NMNAT2: variants seen among roughly 807,000 people sequenced by gnomAD.
NMNAT2 encodes nicotinamide nucleotide adenylyltransferase 2.
A neutral mutation model predicts 41.6 loss-of-function variants in NMNAT2; 11 were observed. That is an observed-to-expected ratio of 0.26 (90% CI 0.17 to 0.44). The LOEUF is 0.44. Among genes scored for constraint, NMNAT2 ranks in the 20% least tolerant of loss-of-function variants. The probability of loss-of-function intolerance (pLI) is 1.00; values close to 1 mark genes in which losing one functional copy is unlikely to be tolerated. For synonymous variants in NMNAT2, 148 were observed against 151.2 expected (o/e 0.98, Z 0.16); for missense variants, 288 against 407.7 (o/e 0.71, Z 2.53).
chr1:183,369,932 A>G (rs973007426), intron 1 of NMNAT2, among the ~76,000 whole-genome samples: 1 of 152,162 alleles, frequency 6.6e-6, no homozygotes, highest in Admixed American at 6.5e-5. Context: ...TAAATTGCCC[A>G]AGGAAACACC....
chr1:183,415,183 T>G (rs1649220805), intron 1 of NMNAT2, among the ~76,000 whole-genome samples: 1 of 152,186 alleles, frequency 6.6e-6, no homozygotes, highest in African/African-American at 2.4e-5. Flanking sequence ...GGTTTCACCA[T>G]GTTGCCAAGT....
intron 8 of NMNAT2, 29 bp from the exon 9 acceptor site, chr1:183,261,332 T>A: frequency 6.3e-7 from 1 of 1,578,944 alleles, no homozygotes; most frequent in Non-Finnish European, 8.7e-7. Context: ...GGCCCTTTGG[T>A]GAAACCCTGA....
intron 1 of NMNAT2, among the ~76,000 whole-genome samples, chr1:183,357,442 G>A (rs1241900398): frequency 6.6e-6 from 1 of 151,624 alleles, no homozygotes; most frequent in Non-Finnish European, 1.5e-5. Context: ...TGTTAGCCAG[G>A]ATGGTCTCTA....
chr1:183,272,542 T>A (rs16860725), intron 8 of NMNAT2, among the ~76,000 whole-genome samples: 1 of 152,212 alleles, frequency 6.6e-6, no homozygotes, highest in Non-Finnish European at 1.5e-5. Flanking sequence ...TCTTTGTGCC[T>A]AATGGGAAAT....
At chr1:183,254,024 T>C (rs1420597946) in intron 10 of NMNAT2, among the ~76,000 whole-genome samples, 1 of 152,154 alleles carries the variant, frequency 6.6e-6, no homozygotes, top group African/African-American at 2.4e-5. Context: ...TCTTGGCTAC[T>C]GTGAATAATG....
intron 1 of NMNAT2, among the ~76,000 whole-genome samples, chr1:183,388,135 C>T (rs1648316627): frequency 6.6e-6 from 1 of 152,218 alleles, no homozygotes; most frequent in South Asian, 2.1e-4. Flanking sequence ...CAGTAACTTA[C>T]CCAAAGTGGT....
At chr1:183,289,468 C>A (rs927963117) in intron 4 of NMNAT2, among the ~76,000 whole-genome samples, 1 of 152,180 alleles carries the variant, frequency 6.6e-6, no homozygotes, top group African/African-American at 2.4e-5. Flanking sequence ...GGCCCCAGGC[C>A]CCAATGGGGA....
At chr1:183,389,784 GA>G (rs1157401308) in intron 1 of NMNAT2, among the ~76,000 whole-genome samples, 1 of 58,802 alleles carries the variant, frequency 1.7e-5, no homozygotes, top group Non-Finnish European at 3.5e-5. Flanking sequence ...AAGAAAGAAA[GA>G]AAGAAAGAAA....
intron 8 of NMNAT2, among the ~76,000 whole-genome samples, chr1:183,265,111 C>A (rs1448363532): frequency 4.6e-5 from 7 of 152,100 alleles, no homozygotes; most frequent in African/African-American, 9.7e-5. Flanking sequence ...TCAATATGCC[C>A]ACTTGGATAG....
At chr1:183,412,486 G>C (rs2101932759) in intron 1 of NMNAT2, among the ~76,000 whole-genome samples, 1 of 152,352 alleles carries the variant, frequency 6.6e-6, no homozygotes, top group East Asian at 1.9e-4. Flanking sequence ...GCCTCCCAAA[G>C]TGCTGGGATT....
intron 1 of NMNAT2, among the ~76,000 whole-genome samples, chr1:183,335,958 G>A (rs1308146330): frequency 6.6e-6 from 1 of 152,182 alleles, no homozygotes; most frequent in Non-Finnish European, 1.5e-5. Context: ...GAGTAGGAGG[G>A]AGAGACCTTC....
In NMNAT2 at chr1:183,249,682, CGTGTGTGTGT is replaced by C. The variant is rs3841433; in HGVS notation, c.*2949_*2958del. The C allele has an allele frequency of 0.034, 4,071 of 119,590 alleles. 127 individuals are homozygous for C. The highest frequency in any genetic ancestry group is 0.096 in the East Asian group (395 of 4,130). 7.4% of individuals were successfully genotyped at this position (119,590 alleles called of 1,614,324 possible). A position where few individuals can be genotyped will look rare whatever the true frequency, so the allele number is the denominator to read the frequency against. On this transcript the variant is annotated 3_prime_UTR_variant, in exon 11 of 11. Coordinates refer to ENST00000287713, the MANE Select transcript of NMNAT2 (RefSeq NM_015039.4). ...TTCCCCTAGCAAATGAAGAGTAGGG[CGTGTGTGTGT>C]GTGTGTGTGTGTGTGTGTGTGTGTG...
intron 1 of NMNAT2, among the ~76,000 whole-genome samples, chr1:183,345,888 G>A (rs1417036933): frequency 6.6e-6 from 1 of 151,946 alleles, no homozygotes; most frequent in Non-Finnish European, 1.5e-5. Flanking sequence ...GGGTCTCACC[G>A]TGTTCGCCAG....
chr1:183,309,296 G>A (rs1348389664), intron 1 of NMNAT2, among the ~76,000 whole-genome samples: 2 of 152,100 alleles, frequency 1.3e-5, no homozygotes, highest in African/African-American at 2.4e-5. Context: ...CACTGTGCCC[G>A]GCCTTTGGAG....
At chr1:183,332,518 G>A (rs1662605963) in intron 1 of NMNAT2, among the ~76,000 whole-genome samples, 1 of 152,168 alleles carries the variant, frequency 6.6e-6, no homozygotes, top group African/African-American at 2.4e-5. Context: ...GGGATAATGA[G>A]GGCAAACAGA....
chr1:183,365,523 G>A (rs762643509), intron 1 of NMNAT2, among the ~76,000 whole-genome samples: 11 of 152,106 alleles, frequency 7.2e-5, no homozygotes, highest in Admixed American at 3.3e-4. Flanking sequence ...TTGGGAGGCC[G>A]AGGAGGGTGG....
intron 3 of NMNAT2, 115 bp from the exon 4 acceptor site, chr1:183,290,321 T>C: frequency 2.6e-6 from 2 of 758,026 alleles, no homozygotes; most frequent in Non-Finnish European, 4.3e-6. Flanking sequence ...TACCATGCGC[T>C]TAGATCTTGA....
At chr1:183,338,874 C>T (rs751127804) in intron 1 of NMNAT2, among the ~76,000 whole-genome samples, 1 of 152,082 alleles carries the variant, frequency 6.6e-6, no homozygotes, top group African/African-American at 2.4e-5. Flanking sequence ...GGTAATGTGG[C>T]CAGGCAACTT....
chr1:183,344,876 T>C (rs811886), intron 1 of NMNAT2, among the ~76,000 whole-genome samples: 109,257 of 152,114 alleles, frequency 0.72, 39,393 homozygotes, highest in East Asian at 0.9. Context: ...GTAGCTTAGA[T>C]TGAGCACAAA....
Sources: allele counts gnomAD v4.1 joint callset (sites outside exome capture counted in the v4.1 genomes callset), GRCh38; gene constraint gnomAD v4.1.1; transcripts MANE v1.5; gene names NCBI Gene and HGNC (gene_info 2026-07-23, HGNC 2026-07-21).